Variants in CDH26 observed in about 807,000 individuals in gnomAD.
CDH26 encodes cadherin-like protein 26.
Under a neutral mutation model 90.3 loss-of-function variants are expected in CDH26, and 83 were observed. The ratio of observed to expected loss-of-function variants is 0.92; its 90% confidence interval spans 0.77 to 1.10. The LOEUF (loss-of-function observed/expected upper bound fraction) is 1.10. CDH26 is among the 50% of genes least tolerant of loss of function. CDH26 has a pLI of 0.00. For synonymous variants in CDH26, 397 were observed against 396.3 expected (o/e 1.00, Z -0.02); for missense variants, 1,013 against 1,037.6 (o/e 0.98, Z 0.33).
chr20:59,996,355 T>A, intron 12 of CDH26: 1 of 1,454,130 alleles, frequency 6.9e-7, no homozygotes, highest in Non-Finnish European at 9.0e-7. Flanking sequence ...ATATTCAGGC[T>A]CCTGGACTTG....
chr20:59,987,569 CA>C lies in CDH26; in HGVS notation c.956del (p.Asn319MetfsTer19). The C allele has an allele frequency of 1.2e-6, 2 of 1,613,930 alleles. No homozygotes were observed. The highest frequency in any genetic ancestry group is 1.7e-6 in the Non-Finnish European group (2 of 1,179,924). On this transcript the variant is annotated frameshift_variant, in exon 8 of 18. Coordinates refer to ENST00000348616, the MANE Select transcript of CDH26 (RefSeq NM_177980.4). LOFTEE classifies it high-confidence loss of function. ...WRAKFNILHG[N>X]EEGHFDISTD... ...GAGCAAAATTCAACATATTGCATGG[CA>C]ATGAAGAGGGGCATTTTGACATTTC... is the stretch of plus-strand genomic sequence containing the variant.
intron 1 of CDH26, among the ~76,000 whole-genome samples, chr20:59,959,576 T>C (rs2061041085): frequency 6.6e-6 from 1 of 151,834 alleles, no homozygotes; most frequent in Admixed American, 6.6e-5. Context: ...GTTTTTGTAT[T>C]TTTATTAGAG....
chr20:60,006,297 A>G (rs1601192490), intron 16 of CDH26, among the ~76,000 whole-genome samples: 1 of 152,318 alleles, frequency 6.6e-6, no homozygotes, highest in South Asian at 2.1e-4. Context: ...ATCCACAGAC[A>G]TGGGCCAGAT....
chr20:60,024,616 T>C (rs1270600182), intron 7 of CDH26, among the ~76,000 whole-genome samples: 2 of 152,146 alleles, frequency 1.3e-5, no homozygotes, highest in East Asian at 3.9e-4. Flanking sequence ...GATGCAGTGA[T>C]TGGATGGAAT....
At chr20:60,004,681 G>T (rs185665995) in intron 16 of CDH26, among the ~76,000 whole-genome samples, 11 of 150,796 alleles carry the variant, frequency 7.3e-5, no homozygotes, top group African/African-American at 2.4e-4. Context: ...CAGGAGAATG[G>T]CATGAACCTG....
Position 59,992,633 on chromosome 20 carries a change from G to A in CDH26, c.1426+113G>A. 1 of 1,053,904 alleles carries A rather than the reference G, an allele frequency of 9.5e-7. No individual in the cohort carries two copies. 65.3% of individuals were successfully genotyped at this position (1,053,904 alleles called of 1,614,324 possible). A position where few individuals can be genotyped will look rare whatever the true frequency, so the allele number is the denominator to read the frequency against. ...CAGAGAAAAGGATAAAATAAACCTT[G>A]TTATCACTCTGCATCCATGCTGGTG... On this transcript the variant is annotated intron_variant, in intron 10 of 17. Coordinates refer to ENST00000348616, the MANE Select transcript of CDH26 (RefSeq NM_177980.4). The surrounding 1 kb of genome is among the most constrained non-coding windows in gnomAD (Gnocchi z 5.0).
chr20:60,024,324 G>T (rs2061980634), intron 7 of CDH26, among the ~76,000 whole-genome samples: 1 of 152,142 alleles, frequency 6.6e-6, no homozygotes, highest in African/African-American at 2.4e-5. Flanking sequence ...AGAACACAAG[G>T]CCATGGCCAT....
intron 17 of CDH26, among the ~76,000 whole-genome samples, chr20:60,010,228 TC>T (rs1209770048): frequency 6.6e-6 from 1 of 151,802 alleles, no homozygotes; most frequent in African/African-American, 2.4e-5. Context: ...AGCCCAGGGG[TC>T]CCATCAGAAT....
intron 4 of CDH26, among the ~76,000 whole-genome samples, chr20:59,972,972 T>C (rs2061281990): frequency 6.6e-6 from 1 of 152,314 alleles, no homozygotes; most frequent in African/African-American, 2.4e-5. Context: ...AAAACTCCAA[T>C]GAACATGCAA....
At chr20:59,959,222 T>A (rs965350351) in intron 1 of CDH26, among the ~76,000 whole-genome samples, 1 of 152,100 alleles carries the variant, frequency 6.6e-6, no homozygotes, top group Non-Finnish European at 1.5e-5. Context: ...CACCTCAGCC[T>A]CAAGAGTAGC....
At chr20:59,995,185 C>T (rs1375522464) in intron 11 of CDH26, among the ~76,000 whole-genome samples, 1 of 152,112 alleles carries the variant, frequency 6.6e-6, no homozygotes, top group Non-Finnish European at 1.5e-5. Flanking sequence ...TCCTTGGGGT[C>T]TGGGTGATCT....
At chr20:59,982,787 G>C in intron 4 of CDH26, 136 bp from the exon 5 acceptor site, 1 of 997,466 alleles carries the variant, frequency 1.0e-6, no homozygotes, top group Non-Finnish European at 1.5e-6. Context: ...AATGAGGGCA[G>C]TCTGATTCCT....
chr20:60,027,065 T>C (rs561823522), intron 7 of CDH26, among the ~76,000 whole-genome samples: 21 of 152,208 alleles, frequency 1.4e-4, no homozygotes, highest in Non-Finnish European at 2.6e-4. Flanking sequence ...TGTGTGTGTG[T>C]TGAGGGGCAT....
In CDH26 at chr20:59,988,964, A is replaced by C; in HGVS notation, c.1084A>C (p.Arg362=). Residue 362 remains arginine, a synonymous_variant, in exon 9 of 18, where the codon AGG becomes CGG. Transcript: ENST00000348616. ...CATCATTGTCGTGGAGAATGAGGAG[A>C]GGCTCGTCTTCTGTGAGAGAGGAAA... ...SLIIVVENEE[R]LVFCERGKLQ... is the part of the protein sequence containing the mutation. 1.2e-6 allele frequency: 2 copies of C among 1,614,100 alleles called. No homozygotes were observed. Among genetic ancestry groups the C allele is most frequent in the Non-Finnish European group, 1.7e-6 (2 of 1,180,026 alleles).
chr20:59,965,178 T>G (rs1277256994), intron 1 of CDH26, among the ~76,000 whole-genome samples: 4 of 152,188 alleles, frequency 2.6e-5, no homozygotes, highest in Non-Finnish European at 5.9e-5. Flanking sequence ...ACAAATATTA[T>G]CGTTAGCCCT....
intron 17 of CDH26, among the ~76,000 whole-genome samples, chr20:60,007,536 A>G (rs187061744): frequency 1.3e-5 from 2 of 152,304 alleles, no homozygotes; most frequent in South Asian, 2.1e-4. Flanking sequence ...CCCACTTTCA[A>G]TTACATGCAA....
intron 12 of CDH26, chr20:59,996,361 A>T: frequency 4.1e-6 from 6 of 1,455,920 alleles, no homozygotes; most frequent in Non-Finnish European, 5.4e-6. Flanking sequence ...AGGCTCCTGG[A>T]CTTGGCAAGG....
intron 1 of CDH26, among the ~76,000 whole-genome samples, chr20:59,965,795 A>G (rs984221900): frequency 1.2e-4 from 19 of 152,320 alleles, no homozygotes; most frequent in African/African-American, 3.6e-4. Flanking sequence ...ATCTGAAACC[A>G]TATCACTGAA....
chr20:60,033,687 C>T (rs779348732), exon 9 of CDH26: 53 of 1,300,236 alleles, frequency 4.1e-5, no homozygotes, highest in East Asian at 1.1e-4. Context: ...GCAGAGAGTA[C>T]GGTGGAGGGG....
Sources: gnomAD v4.1 joint callset for allele counts (sites outside exome capture counted in the v4.1 genomes callset) on GRCh38, gnomAD v4.1.1 for gene constraint, Gnocchi (gnomAD v3.1) non-coding constraint, MANE v1.5 for transcripts, NCBI Gene and HGNC (gene_info 2026-07-23, HGNC 2026-07-21) for gene names.